Variants in SPAG6 observed in about 807,000 individuals in gnomAD.
SPAG6 encodes the protein sperm associated antigen 6, also known as sperm-associated antigen 6.
Under a neutral mutation model 58.5 loss-of-function variants are expected in SPAG6, and 49 were observed. That is an observed-to-expected ratio of 0.84 (90% CI 0.67 to 1.06). The LOEUF (loss-of-function observed/expected upper bound fraction) is 1.06. Ranked by LOEUF, SPAG6 falls within the 50% of genes least tolerant of loss-of-function variation. The probability of loss-of-function intolerance (pLI) is 0.00; values close to 1 mark genes in which losing one functional copy is unlikely to be tolerated. For synonymous variants in SPAG6, 233 were observed against 225.6 expected, an observed-to-expected ratio of 1.03 and a Z score of -0.29; for missense variants, 560 against 611.3, an observed-to-expected ratio of 0.92 and a Z score of 0.89.
At chr10:22,387,494 A>C (rs532231952) in intron 5 of SPAG6, among the ~76,000 whole-genome samples, 34 of 152,154 alleles carry the variant, frequency 2.2e-4, no homozygotes, top group Non-Finnish European at 3.1e-4. Context: ...TTTTGTACTA[A>C]ATGATCACCT....
intron 8 of SPAG6, among the ~76,000 whole-genome samples, chr10:22,394,904 T>TA (rs1224065767): frequency 1.3e-5 from 2 of 151,964 alleles, no homozygotes; most frequent in East Asian, 3.9e-4. Context: ...AGAGACAGGG[T>TA]CTCACTGTGT....
intron 2 of SPAG6, among the ~76,000 whole-genome samples, chr10:22,353,526 AC>A (rs1836788019): frequency 6.6e-6 from 1 of 152,244 alleles, no homozygotes; most frequent in South Asian, 2.1e-4. Flanking sequence ...TAAAAAGAAA[AC>A]AACTGTGAAC....
chr10:22,389,241 C>T lies in SPAG6; in HGVS notation c.934C>T (p.Pro312Ser), dbSNP rs1055787604. The change falls in exon 7 of 11, where the codon CCT becomes TCT. Residue 312 changes from proline (P) to serine (S), a missense_variant. Physicochemically the swap from Pro to Ser is moderately conservative, Grantham distance 74. Coordinates refer to ENST00000376624, the MANE Select transcript of SPAG6 (RefSeq NM_012443.4). ...IGSCKGNTRL[P>S]GIMMLGYVAA... is the part of the protein sequence containing the mutation. ...GTCCTGCAAAGGGAACACACGGCTG[C>T]CTGGCATCATGATGCTTGGTTATGT... is the stretch of plus-strand genomic sequence containing the variant. The T allele has an allele frequency of 2.5e-6, 4 of 1,613,076 alleles. No individual in the cohort carries two copies. The highest frequency in any genetic ancestry group is 3.4e-6 in the Non-Finnish European group (4 of 1,179,694).
chr10:22,351,765 C>A (rs1564359515), intron 2 of SPAG6, among the ~76,000 whole-genome samples: 1 of 152,172 alleles, frequency 6.6e-6, no homozygotes. Flanking sequence ...TGTGTGAATA[C>A]AAGTCAGGCC....
intron 4 of SPAG6, among the ~76,000 whole-genome samples, chr10:22,381,256 G>T (rs181197290): frequency 8.2e-4 from 125 of 152,022 alleles, no homozygotes; most frequent in African/African-American, 2.8e-3. Context: ...GTAAAATGGG[G>T]TGGTTCAGGC....
At chr10:22,384,731 A>G (rs560820760) in intron 4 of SPAG6, among the ~76,000 whole-genome samples, 16 of 152,280 alleles carry the variant, frequency 1.1e-4, no homozygotes, top group African/African-American at 3.9e-4. Flanking sequence ...CCTTCCCCAC[A>G]TTTAACATTG....
At chr10:22,351,685 G>A (rs1252301277) in intron 2 of SPAG6, among the ~76,000 whole-genome samples, 2 of 152,150 alleles carry the variant, frequency 1.3e-5, no homozygotes, top group Non-Finnish European at 2.9e-5. Flanking sequence ...GGTTGTACTA[G>A]CCTTAGGAGA....
chr10:22,394,989 T>G (rs915051813), intron 8 of SPAG6, among the ~76,000 whole-genome samples: 19 of 152,224 alleles, frequency 1.2e-4, no homozygotes, highest in South Asian at 4.2e-4. Flanking sequence ...GGATAAGAGG[T>G]GTGAGCCACC....
intron 9 of SPAG6, among the ~76,000 whole-genome samples, chr10:22,406,673 G>T (rs1834564948): frequency 6.6e-6 from 1 of 152,204 alleles, no homozygotes; most frequent in Non-Finnish European, 1.5e-5. Context: ...GCAGTGCTGA[G>T]TTCAATTCCT....
intron 10 of SPAG6, among the ~76,000 whole-genome samples, chr10:22,414,754 A>C (rs1834828720): frequency 6.6e-6 from 1 of 152,146 alleles, no homozygotes; most frequent in African/African-American, 2.4e-5. Flanking sequence ...CAGACATACT[A>C]GCCATTTTCT....
At chr10:22,371,578 G>T (rs2132058802) in intron 4 of SPAG6, among the ~76,000 whole-genome samples, 1 of 152,062 alleles carries the variant, frequency 6.6e-6, no homozygotes, top group South Asian at 2.1e-4. Flanking sequence ...TTTGTTTTTT[G>T]AAAATAACCT....
chr10:22,393,216 C>T (rs548569197), intron 8 of SPAG6, among the ~76,000 whole-genome samples: 2 of 152,194 alleles, frequency 1.3e-5, no homozygotes, highest in South Asian at 4.2e-4. Flanking sequence ...TTTCTTTAAC[C>T]CATTATCATT....
intron 2 of SPAG6, among the ~76,000 whole-genome samples, chr10:22,352,602 C>T (rs1836759509): frequency 6.6e-6 from 1 of 152,214 alleles, no homozygotes; most frequent in Non-Finnish European, 1.5e-5. Context: ...ACTGCAACCT[C>T]CACCACCCAG....
Position 22,364,934 on chromosome 10 carries a change from T to A in SPAG6, c.203T>A (p.Leu68Gln), listed in dbSNP as rs748633738. The A allele has an allele frequency of 6.2e-7, 1 of 1,613,542 alleles. No individual in the cohort carries two copies. Among genetic ancestry groups the A allele is most frequent in the Non-Finnish European group, 8.5e-7 (1 of 1,179,608 alleles). The change falls in exon 3 of 11, where the codon CTG becomes CAG. Residue 68 changes from leucine to glutamine, a missense_variant. Physicochemically the swap from Leu to Gln is moderately radical, Grantham distance 113. Transcript: ENST00000376624. ...ACTGCTGCTTTGGCTCTTGGGAGAC[T>A]GGCCAATTATAATGATGACCTAGCA... is the stretch of plus-strand genomic sequence containing the variant. ...QQTAALALGR[L>Q]ANYNDDLAEA...
In SPAG6 at chr10:22,369,031, A is replaced by AATT. The variant is rs1030332303; in HGVS notation, c.472+355_472+357dup. Among the ~76,000 whole-genome samples the AATT allele has an allele frequency of 7.9e-5, 12 of 152,252 alleles. 3 individuals carry two copies. Among genetic ancestry groups the AATT allele is most frequent in the African/African-American group, 2.6e-4 (11 of 41,534 alleles). Reference sequence around the variant, plus strand: ...TTTTGCCATTAATGGCAAAAACCCCAATTACTTTTGCATTAACCTAATAAA... The same window carrying AATT: ...TTTTGCCATTAATGGCAAAAACCCCAATTATTACTTTTGCATTAACCTAATAAA... On this transcript the variant is annotated intron_variant, in intron 4 of 10. Coordinates refer to ENST00000376624, the MANE Select transcript of SPAG6 (RefSeq NM_012443.4).
chr10:22,348,577 T>C (rs1836631133), intron 2 of SPAG6, among the ~76,000 whole-genome samples: 1 of 152,210 alleles, frequency 6.6e-6, no homozygotes, highest in Middle Eastern at 3.2e-3. Context: ...ATATTTTCCA[T>C]ATGGGTATCA....
chr10:22,399,322 T>C (rs1834360740), intron 8 of SPAG6, among the ~76,000 whole-genome samples: 1 of 152,210 alleles, frequency 6.6e-6, no homozygotes. Flanking sequence ...CTCTCAATTA[T>C]ACCCACCAGC....
In SPAG6 at chr10:22,364,943, A is replaced by G. The variant is rs2132049058; in HGVS notation, c.212A>G (p.Tyr71Cys). The G allele has an allele frequency of 2.5e-6, 4 of 1,613,528 alleles. No homozygotes were observed. The highest frequency in any genetic ancestry group is 3.4e-6 in the Non-Finnish European group (4 of 1,179,618). ...TTGGCTCTTGGGAGACTGGCCAATT[A>G]TAATGATGACCTAGCAGAAGCTGTT... is the stretch of plus-strand genomic sequence containing the variant. ...AALALGRLAN[Y>C]NDDLAEAVVK... Residue 71 changes from tyrosine (Y) to cysteine (C), a missense_variant, in exon 3 of 11, where the codon TAT becomes TGT. Tyr to Cys is a radical substitution (Grantham distance 194). Coordinates refer to ENST00000376624, the MANE Select transcript of SPAG6 (RefSeq NM_012443.4).
intron 9 of SPAG6, among the ~76,000 whole-genome samples, chr10:22,402,885 G>T (rs1042088597): frequency 2.6e-5 from 4 of 152,136 alleles, no homozygotes; most frequent in Non-Finnish European, 4.4e-5. Context: ...AGAGTTATCT[G>T]TTCTTGAACT....
Sources: allele counts gnomAD v4.1 joint callset (sites outside exome capture counted in the v4.1 genomes callset), GRCh38; gene constraint gnomAD v4.1.1; transcripts MANE v1.5; gene names NCBI Gene and HGNC (gene_info 2026-07-23, HGNC 2026-07-21).